The following CHD6 variants were observed in gnomAD, a reference collection of about 807,000 sequenced individuals.
CHD6 encodes ATP-dependent chromatin remodeler CHD6.
Under a neutral mutation model 276.9 loss-of-function variants are expected in CHD6, and 50 were observed. That is an observed-to-expected ratio of 0.18 (90% CI 0.14 to 0.23). The LOEUF (loss-of-function observed/expected upper bound fraction) is 0.23. Ranked by LOEUF, CHD6 falls within the 10% of genes least tolerant of loss-of-function variation. The pLI, the probability that CHD6 is intolerant of heterozygous loss-of-function variation, is 1.00. For missense variants in CHD6, 2,564 were observed against 3,365.8 expected (o/e 0.76, Z 5.89); for synonymous variants, 1,173 against 1,229.3 (o/e 0.95, Z 0.96).
chr20:41,534,519 C>A (rs2044777012), intron 2 of CHD6, among the ~76,000 whole-genome samples: 1 of 151,460 alleles, frequency 6.6e-6, no homozygotes, highest in Admixed American at 6.6e-5. Context: ...TAGTCCAATG[C>A]TCCCAAACAT....
intron 1 of CHD6, among the ~76,000 whole-genome samples, chr20:41,564,455 A>T (rs965357940): frequency 1.3e-5 from 2 of 152,216 alleles, no homozygotes; most frequent in Non-Finnish European, 2.9e-5. Context: ...TTTCATTTAT[A>T]TGACATTCAA....
chr20:41,434,381 A>AT (rs902262756), intron 27 of CHD6, among the ~76,000 whole-genome samples: 4 of 152,084 alleles, frequency 2.6e-5, no homozygotes, highest in African/African-American at 4.8e-5. Flanking sequence ...CTCTCTATAC[A>AT]TTTTTTTGAG....
chr20:41,553,576 G>A (rs187230512), intron 1 of CHD6, among the ~76,000 whole-genome samples: 11 of 152,342 alleles, frequency 7.2e-5, no homozygotes, highest in East Asian at 3.9e-4. Context: ...GTTTAAGAGC[G>A]TGAGGTCTAG....
intron 2 of CHD6, among the ~76,000 whole-genome samples, chr20:41,549,574 C>T (rs1231640241): frequency 1.3e-5 from 2 of 148,448 alleles, no homozygotes; most frequent in African/African-American, 5.0e-5. Context: ...AGCACACCAA[C>T]ATGGCACATG....
Position 41,423,480 on chromosome 20 carries a change from T to G in CHD6, c.4555+12A>C. On this transcript the variant is annotated intron_variant, in intron 30 of 36. Transcript: ENST00000373233. Reference sequence around the variant, plus strand: ...CTTGTATCATCTGACAATATACTGATAGTTTTCTCACCGCCATCTTTCCAT... The same window carrying G: ...CTTGTATCATCTGACAATATACTGAGAGTTTTCTCACCGCCATCTTTCCAT... 6.2e-7 allele frequency: 1 copy of G among 1,610,392 alleles called. No individual in the cohort carries two copies. The highest frequency in any genetic ancestry group is 8.5e-7 in the Non-Finnish European group (1 of 1,176,574).
chr20:41,409,803 GTAT>G (rs1260926706), intron 36 of CHD6, among the ~76,000 whole-genome samples: 11 of 152,176 alleles, frequency 7.2e-5, no homozygotes, highest in African/African-American at 2.7e-4. Context: ...GCATGCTGAA[GTAT>G]TTAGGGGTGA....
chr20:41,545,135 G>A (rs1321809570), intron 2 of CHD6, among the ~76,000 whole-genome samples: 3 of 151,976 alleles, frequency 2.0e-5, no homozygotes, highest in Non-Finnish European at 4.4e-5. Flanking sequence ...CTCTCCCCAC[G>A]TGTCCCATTC....
chr20:41,499,641 A>G (rs1278937353), intron 5 of CHD6, among the ~76,000 whole-genome samples: 3 of 152,182 alleles, frequency 2.0e-5, no homozygotes, highest in Non-Finnish European at 2.9e-5. Context: ...TGGTCCTCAG[A>G]TTTACCTTCT....
intron 3 of CHD6, among the ~76,000 whole-genome samples, chr20:41,519,496 C>T (rs566942152): frequency 6.6e-6 from 1 of 151,938 alleles, no homozygotes; most frequent in Non-Finnish European, 1.5e-5. Flanking sequence ...ACATAAATGA[C>T]TGAATAAATT....
chr20:41,468,090 C>A (rs1014818094), intron 17 of CHD6, among the ~76,000 whole-genome samples: 1 of 151,472 alleles, frequency 6.6e-6, no homozygotes, highest in Non-Finnish European at 1.5e-5. Context: ...TAAATCAGGG[C>A]AACCAACTCC....
At position 41,498,807 on chromosome 20, in the gene CHD6, A is replaced by G. The variant is rs148029709; in HGVS notation, c.915+488T>C. ...TATGTATGTATGTATGTATGTATGT[A>G]TGTATGTGTGTGTGTGTGTGTGTGT... On this transcript the variant is annotated intron_variant, in intron 6 of 36. Transcript: ENST00000373233. Among the ~76,000 whole-genome samples, 442 of 117,698 alleles carry G rather than the reference A, an allele frequency of 3.8e-3. 1 individual carries two copies. The highest frequency in any genetic ancestry group is 0.01 in the East Asian group (43 of 4,298). 77.2% of individuals were successfully genotyped at this position (117,698 alleles called of 152,430 possible). A position where few individuals can be genotyped will look rare whatever the true frequency, so the allele number is the denominator to read the frequency against.
At chr20:41,604,367 G>A (rs1408539720) in intron 1 of CHD6, among the ~76,000 whole-genome samples, 1 of 152,112 alleles carries the variant, frequency 6.6e-6, no homozygotes, top group Non-Finnish European at 1.5e-5. Context: ...TATGACTGAG[G>A]AATAGTTAAA....
intron 25 of CHD6, among the ~76,000 whole-genome samples, chr20:41,440,575 G>A (rs2047870310): frequency 6.6e-6 from 1 of 152,176 alleles, no homozygotes; most frequent in African/African-American, 2.4e-5. Context: ...TACGATGATT[G>A]TTTATTGCAT....
At position 41,420,709 on chromosome 20, in the gene CHD6, C is replaced by T. The variant is rs151164700; in HGVS notation, c.5926G>A (p.Ala1976Thr). ...ATAGCAGTGGGTTCACCCTCCATGGCGATAGTATTGGTTTTACTTTTGAAC... is the reference window on the plus strand; with the variant it reads ...ATAGCAGTGGGTTCACCCTCCATGGTGATAGTATTGGTTTTACTTTTGAAC... ...DLFKSKTNTI[A>T]MEGEPTAIPS... Residue 1976 changes from alanine to threonine, a missense_variant, in exon 31 of 37, where the codon GCC (alanine) becomes ACC (threonine). Transcript: ENST00000373233. 1,307 of 1,614,186 alleles carry T rather than the reference C, an allele frequency of 8.1e-4. 24 individuals carry two copies. The East Asian group carries it at 0.025, about 31-fold the overall frequency.
intron 18 of CHD6, 58 bp from the exon 19 acceptor site, chr20:41,456,037 C>T: frequency 2.1e-6 from 3 of 1,446,296 alleles, no homozygotes; most frequent in Non-Finnish European, 1.8e-6. Context: ...GAAAAACAGC[C>T]TCAAATCTGG....
rs142710559 is a variant in CHD6, at chr20:41,538,509, C to T, written c.34-4939G>A. Among the ~76,000 whole-genome samples, 968 of 152,170 alleles carry T rather than the reference C, an allele frequency of 6.4e-3. 11 individuals carry two copies. Among genetic ancestry groups the T allele is most frequent in the Middle Eastern group, 0.024 (7 of 294 alleles). On this transcript the variant is annotated intron_variant, in intron 2 of 36. Coordinates refer to ENST00000373233, the MANE Select transcript of CHD6 (RefSeq NM_032221.5). ...TGAAATGCTCAGCAAAAAACGAACT[C>T]AAAGAGACAAATTGGGGGTTACGAA...
At position 41,473,668 on chromosome 20, in the gene CHD6, C is replaced by T. The variant is rs2043108106; in HGVS notation, c.2469-151G>A. ...CAGCAGTCTAGAAGGAATCCTGCCC[C>T]CTACATATGCAGCAGGGCAGACACT... On this transcript the variant is annotated intron_variant, in intron 16 of 36. Coordinates refer to ENST00000373233, the MANE Select transcript of CHD6 (RefSeq NM_032221.5). The surrounding 1 kb of genome is among the most constrained non-coding windows in gnomAD (Gnocchi z 4.1). 3.2e-6 allele frequency: 2 copies of T among 620,126 alleles called. No homozygotes were observed. The highest frequency in any genetic ancestry group is 2.8e-6 in the Non-Finnish European group (1 of 354,850). The allele number at this position is 620,126 out of a possible 1,614,324, so 38.4% of individuals were successfully genotyped here.
chr20:41,450,907 C>A, intron 23 of CHD6, 39 bp downstream of exon 23: 1 of 1,581,730 alleles, frequency 6.3e-7, no homozygotes, highest in Non-Finnish European at 8.6e-7. Context: ...GCAGTCTGAG[C>A]CGGGCTGCCA....
Position 41,571,130 on chromosome 20 carries a change from A to G in CHD6, c.-23-19770T>C, listed in dbSNP as rs546978244. 2.0e-5 allele frequency among the ~76,000 whole-genome samples: 3 copies of G among 152,244 alleles called. No homozygotes were observed. The East Asian group carries it at 5.8e-4, about 29-fold the overall frequency. ...TCCAAATCTCTTAGTGAAGAAAAAG[A>G]AGGTCTGGTGATTTGTCAGCTGTGA... On this transcript the variant is annotated intron_variant, in intron 1 of 36. Coordinates refer to ENST00000373233, the MANE Select transcript of CHD6 (RefSeq NM_032221.5).
Sources: allele counts gnomAD v4.1 joint callset (sites outside exome capture counted in the v4.1 genomes callset), GRCh38; gene constraint gnomAD v4.1.1; non-coding constraint Gnocchi (gnomAD v3.1); transcripts MANE v1.5; gene names NCBI Gene and HGNC (gene_info 2026-07-23, HGNC 2026-07-21).